GABBR2: variants seen among roughly 807,000 people sequenced by gnomAD.
The protein encoded by GABBR2 is G-protein coupled receptor 51.
A neutral mutation model predicts 105.6 loss-of-function variants in GABBR2; 23 were observed. The ratio of observed to expected loss-of-function variants is 0.22; its 90% CI spans 0.16 to 0.31. The LOEUF (loss-of-function observed/expected upper bound fraction) is 0.31, where lower values mean the gene tolerates loss of function less well. Among genes scored for constraint, GABBR2 ranks in the 10% least tolerant of loss-of-function variants. The pLI, the probability that GABBR2 is intolerant of heterozygous loss-of-function variation, is 1.00. For synonymous variants in GABBR2, 478 were observed against 499.7 expected (o/e 0.96, Z 0.58); for missense variants, 734 against 1,245.5 (o/e 0.59, Z 6.18).
intron 7 of GABBR2, among the ~76,000 whole-genome samples, chr9:98,437,695 TATCC>T (rs149357518): frequency 6.7e-6 from 1 of 149,766 alleles, no homozygotes; most frequent in Non-Finnish European, 1.5e-5. Flanking sequence ...TTCACATAAC[TATCC>T]ATCCATCCAT....
chr9:98,524,587 G>C (rs1008875109), intron 3 of GABBR2, among the ~76,000 whole-genome samples: 1 of 152,216 alleles, frequency 6.6e-6, no homozygotes, highest in Non-Finnish European at 1.5e-5. Flanking sequence ...AAGTTGAGAA[G>C]TGATAACTCA....
intron 1 of GABBR2, chr9:98,607,022 C>T (rs1829434908): frequency 2.8e-6 from 3 of 1,084,346 alleles, no homozygotes; most frequent in East Asian, 2.4e-5. Context: ...CCCCTGAAGG[C>T]TATGTGGGAT....
chr9:98,339,894 C>T (rs1474677239), intron 13 of GABBR2, among the ~76,000 whole-genome samples: 5 of 152,092 alleles, frequency 3.3e-5, no homozygotes, highest in African/African-American at 9.7e-5. Flanking sequence ...ATAGCAATAC[C>T]TGGTTCTCTC....
At chr9:98,502,661 G>GC (rs1248002643) in intron 3 of GABBR2, among the ~76,000 whole-genome samples, 14 of 152,180 alleles carry the variant, frequency 9.2e-5, no homozygotes, top group Non-Finnish European at 2.1e-4. Context: ...GGACACTCCT[G>GC]CCCTCCATGG....
At chr9:98,630,001 TA>T (rs1169474894) in intron 1 of GABBR2, among the ~76,000 whole-genome samples, 4 of 152,316 alleles carry the variant, frequency 2.6e-5, no homozygotes, top group Admixed American at 2.0e-4. Flanking sequence ...TGTGGGCTTC[TA>T]AAAGTATTCA....
intron 9 of GABBR2, 77 bp from the exon 10 acceptor site, chr9:98,389,081 G>C (rs1832132257): frequency 7.7e-7 from 1 of 1,300,548 alleles, no homozygotes; most frequent in Non-Finnish European, 1.1e-6. Flanking sequence ...TAGTGTCCCT[G>C]ACATCCAGCC....
At chr9:98,590,797 TG>T (rs1273962229) in intron 1 of GABBR2, among the ~76,000 whole-genome samples, 1 of 152,162 alleles carries the variant, frequency 6.6e-6, no homozygotes, top group Non-Finnish European at 1.5e-5. Context: ...GAAGATGAGA[TG>T]GGTAAGACTG....
chr9:98,696,424 G>T lies in GABBR2; in HGVS notation c.321+11993C>A, dbSNP rs118089119. Among the ~76,000 whole-genome samples, 487 of 152,300 alleles carry T rather than the reference G, an allele frequency of 3.2e-3. 9 individuals are homozygous for T. In the East Asian group the frequency reaches 0.037, roughly 12 times the overall value. On this transcript the variant is annotated intron_variant, in intron 1 of 18. Transcript: ENST00000259455. ...CTGTGTTCCCACCCCAAGAACAATG[G>T]TGAGTCCCTGCAGGGTATCAAGCTG... is the stretch of plus-strand genomic sequence containing the variant.
intron 15 of GABBR2, among the ~76,000 whole-genome samples, chr9:98,304,011 T>A (rs557579691): frequency 6.6e-6 from 1 of 152,374 alleles, no homozygotes; most frequent in Non-Finnish European, 1.5e-5. Flanking sequence ...CACTTGACCC[T>A]TACCCGCTTA....
chr9:98,467,298 T>C (rs1160560917), intron 6 of GABBR2, among the ~76,000 whole-genome samples: 3 of 152,090 alleles, frequency 2.0e-5, no homozygotes. Context: ...AGTCACCCAG[T>C]TGGGAAGTGT....
chr9:98,683,810 C>A (rs1002967641), intron 1 of GABBR2, among the ~76,000 whole-genome samples: 1 of 151,760 alleles, frequency 6.6e-6, no homozygotes, highest in Admixed American at 6.6e-5. Context: ...GAGATTGAGA[C>A]CATGCTGGCT....
At chr9:98,494,302 GT>G (rs1827233621) in intron 4 of GABBR2, among the ~76,000 whole-genome samples, 1 of 152,236 alleles carries the variant, frequency 6.6e-6, no homozygotes, top group African/African-American at 2.4e-5. Flanking sequence ...ACAAGTGGGA[GT>G]TGGAGGAACA....
chr9:98,679,364 A>G (rs1028730975), intron 1 of GABBR2, among the ~76,000 whole-genome samples: 1 of 152,258 alleles, frequency 6.6e-6, no homozygotes, highest in African/African-American at 2.4e-5. Context: ...ATATTCACAA[A>G]TCCAAGTTTT....
intron 1 of GABBR2, among the ~76,000 whole-genome samples, chr9:98,602,562 A>T (rs1829356024): frequency 1.3e-5 from 2 of 151,948 alleles, no homozygotes; most frequent in African/African-American, 4.8e-5. Context: ...AAGTGCTGGG[A>T]TTACAGGCGC....
Position 98,388,800 on chromosome 9 carries a change from A to C in GABBR2, c.1529+54T>G. 6.8e-7 allele frequency: 1 copy of C among 1,480,338 alleles called. No homozygotes were observed. The highest frequency in any genetic ancestry group is 1.2e-5 in the South Asian group (1 of 82,416). The allele number at this position is 1,480,338 out of a possible 1,614,324, so 91.7% of individuals were successfully genotyped here. On this transcript the variant is annotated intron_variant, in intron 10 of 18. Transcript: ENST00000259455. This position sits in a 1 kb window ranked among gnomAD's most constrained non-coding sequence, Gnocchi z 4.4. Reference sequence around the variant, plus strand: ...CATGTGGCACTCCTATACTGTGTCCATAGGCTTGTCAATTTAGAAAGTGAT... The same window carrying C: ...CATGTGGCACTCCTATACTGTGTCCCTAGGCTTGTCAATTTAGAAAGTGAT...
At chr9:98,340,665 T>C (rs1385651413) in intron 13 of GABBR2, among the ~76,000 whole-genome samples, 5 of 152,050 alleles carry the variant, frequency 3.3e-5, no homozygotes, top group Non-Finnish European at 5.9e-5. Flanking sequence ...AGACATGCAG[T>C]ACGTAAGGGA....
At chr9:98,573,323 C>T (rs995337819) in intron 2 of GABBR2, among the ~76,000 whole-genome samples, 6 of 152,104 alleles carry the variant, frequency 3.9e-5, no homozygotes, top group Admixed American at 1.3e-4. Flanking sequence ...CGCTTTTTCG[C>T]CCAGGCAGGA....
In GABBR2 at chr9:98,454,497, A is replaced by C. The variant is rs1176594712; in HGVS notation, c.1000-280T>G. Among the ~76,000 whole-genome samples, 1 of 152,304 alleles carries C rather than the reference A, an allele frequency of 6.6e-6. No individual in the cohort carries two copies. Among genetic ancestry groups the C allele is most frequent in the South Asian group, 2.1e-4 (1 of 4,824 alleles). On this transcript the variant is annotated intron_variant, in intron 6 of 18. Coordinates refer to ENST00000259455, the MANE Select transcript of GABBR2 (RefSeq NM_005458.8). This position sits in a 1 kb window ranked among gnomAD's most constrained non-coding sequence, Gnocchi z 4.6. The stretch of plus-strand genomic sequence containing the variant: ...GAGATTTAAACTGTCTTTTGGCAAG[A>C]CTAGAGAGAGGGGATAATACACCCT...
At chr9:98,472,184 T>A (rs1302748744) in intron 6 of GABBR2, among the ~76,000 whole-genome samples, 1 of 152,238 alleles carries the variant, frequency 6.6e-6, no homozygotes, top group Non-Finnish European at 1.5e-5. Flanking sequence ...AGAAAAGACT[T>A]ATGTGCATTG....
Sources: allele counts gnomAD v4.1 joint callset (sites outside exome capture counted in the v4.1 genomes callset), GRCh38; gene constraint gnomAD v4.1.1; non-coding constraint Gnocchi (gnomAD v3.1); transcripts MANE v1.5; gene names NCBI Gene and HGNC (gene_info 2026-07-23, HGNC 2026-07-21).